Variants in CNTNAP5 observed in about 807,000 individuals in gnomAD.
CNTNAP5 encodes contactin-associated protein-like 5.
CNTNAP5 carries 72 observed loss-of-function variants against 150.2 expected under a neutral mutation model. The observed-to-expected ratio is 0.48, with a 90% CI of 0.40 to 0.58. CNTNAP5 has a LOEUF of 0.58. CNTNAP5 is among the 20% of genes least tolerant of loss of function. The probability of loss-of-function intolerance (pLI) is 0.00; values close to 1 mark genes in which losing one functional copy is unlikely to be tolerated. For synonymous variants in CNTNAP5, 672 were observed against 619.8 expected (o/e 1.08, Z -1.25); for missense variants, 1,636 against 1,626.2 (o/e 1.01, Z -0.10).
rs754966117 is a variant in CNTNAP5 at position 124,798,280 on chromosome 2, T to G, written c.3177T>G (p.Ser1059=). 3.7e-6 allele frequency: 6 copies of G among 1,613,758 alleles called. No homozygotes were observed. The Admixed American group carries it at 6.7e-5, about 18-fold the overall frequency. ...QAPSLLLFIN[S]SSQDFVVVLL... ...CCAGTCTTTTGCTCTTTATCAATTC[T>G]TCTTCTCAGGACTTCGTGGTTGTTC... Residue 1059 remains serine, a synonymous_variant, in exon 19 of 24, where the codon TCT becomes TCG. Coordinates refer to ENST00000682447, the MANE Select transcript of CNTNAP5 (RefSeq NM_001367498.1).
chr2:124,565,643 A>G (rs1169091054), intron 11 of CNTNAP5, among the ~76,000 whole-genome samples: 2 of 115,888 alleles, frequency 1.7e-5, no homozygotes, highest in African/African-American at 6.8e-5. Flanking sequence ...TCTGTCACCC[A>G]GGCTGGAGTG....
chr2:124,181,800 A>G (rs1463730448), intron 1 of CNTNAP5, among the ~76,000 whole-genome samples: 1 of 152,214 alleles, frequency 6.6e-6, no homozygotes, highest in Non-Finnish European at 1.5e-5. Flanking sequence ...GATGTAGAAA[A>G]TGCTATATAT....
At chr2:124,660,043 A>AAAGGAAGGAAGG (rs60444454) in intron 13 of CNTNAP5, among the ~76,000 whole-genome samples, 12 of 130,838 alleles carry the variant, frequency 9.2e-5, no homozygotes, top group African/African-American at 3.0e-4. Flanking sequence ...AGGAAGGAAG[A>AAAGGAAGGAAGG]AAGGAAGGAA....
intron 3 of CNTNAP5, among the ~76,000 whole-genome samples, chr2:124,337,634 A>T (rs563769114): frequency 6.6e-6 from 1 of 152,206 alleles, no homozygotes; most frequent in South Asian, 2.1e-4. Flanking sequence ...ATAGGGAATC[A>T]TTTCCCCATT....
In CNTNAP5 at chr2:124,047,492, C is replaced by A. The variant is rs532950899; in HGVS notation, c.82+21760C>A. Among the ~76,000 whole-genome samples the A allele has an allele frequency of 6.6e-5, 10 of 152,338 alleles. No individual in the cohort carries two copies. In the South Asian group the frequency reaches 2.1e-3, roughly 32 times the overall value. ...TCCCATTCAACATCACTTCACATGA[C>A]CTGCATATTGTGTATAATCATATTG... is the stretch of plus-strand genomic sequence containing the variant. On this transcript the variant is annotated intron_variant, in intron 1 of 23. Coordinates refer to ENST00000682447, the MANE Select transcript of CNTNAP5 (RefSeq NM_001367498.1).
chr2:124,233,901 A>C (rs1246140415), intron 2 of CNTNAP5, among the ~76,000 whole-genome samples: 1 of 151,972 alleles, frequency 6.6e-6, no homozygotes, highest in African/African-American at 2.4e-5. Flanking sequence ...TGACCTTTTA[A>C]ACTCAAAAAC....
chr2:124,609,178 A>G (rs1240217937), intron 11 of CNTNAP5, among the ~76,000 whole-genome samples: 3 of 152,192 alleles, frequency 2.0e-5, no homozygotes, highest in Non-Finnish European at 2.9e-5. Flanking sequence ...ATACAGTGGG[A>G]GCAAGGAGGA....
intron 3 of CNTNAP5, among the ~76,000 whole-genome samples, chr2:124,322,891 A>G (rs934732813): frequency 3.3e-5 from 5 of 152,192 alleles, no homozygotes; most frequent in African/African-American, 7.2e-5. Flanking sequence ...TTCAATAAAC[A>G]TTAGCTGAGC....
At chr2:124,547,507 T>C (rs1424764137) in intron 10 of CNTNAP5, among the ~76,000 whole-genome samples, 1 of 152,166 alleles carries the variant, frequency 6.6e-6, no homozygotes, top group Non-Finnish European at 1.5e-5. Flanking sequence ...GGGACATGTG[T>C]ATTCCTGTGT....
At chr2:124,290,948 A>G (rs370059947) in intron 3 of CNTNAP5, among the ~76,000 whole-genome samples, 6 of 151,894 alleles carry the variant, frequency 4.0e-5, no homozygotes, top group Middle Eastern at 3.4e-3. Context: ...TGTTCCTCAT[A>G]GAGTTGTTGT....
chr2:124,037,226 T>C (rs1180978366), intron 1 of CNTNAP5, among the ~76,000 whole-genome samples: 3 of 152,330 alleles, frequency 2.0e-5, no homozygotes, highest in Non-Finnish European at 4.4e-5. Context: ...CTGATGGCCT[T>C]GTGGATTCCA....
chr2:124,695,462 G>A (rs1013202705), intron 13 of CNTNAP5, among the ~76,000 whole-genome samples: 1 of 152,152 alleles, frequency 6.6e-6, no homozygotes, highest in Non-Finnish European at 1.5e-5. Context: ...CAGCTCCCCT[G>A]AACTAGTATA....
In CNTNAP5 at chr2:124,502,035, C is replaced by T. The variant is rs148489914; in HGVS notation, c.1063-2257C>T. The stretch of plus-strand genomic sequence containing the variant: ...GAGAGAGAAGCTGGCCTAAGGTGAG[C>T]GAGGGAGCTGTCCAAGGACCGAAAG... On this transcript the variant is annotated intron_variant, in intron 7 of 23. Coordinates refer to ENST00000682447, the MANE Select transcript of CNTNAP5 (RefSeq NM_001367498.1). Among the ~76,000 whole-genome samples the T allele has an allele frequency of 3.0e-3, 454 of 152,148 alleles. 2 individuals are homozygous for T. Among genetic ancestry groups the T allele is most frequent in the Middle Eastern group, 0.02 (6 of 294 alleles).
At chr2:124,041,872 T>C (rs1237267187) in intron 1 of CNTNAP5, among the ~76,000 whole-genome samples, 2 of 152,012 alleles carry the variant, frequency 1.3e-5, no homozygotes, top group Non-Finnish European at 2.9e-5. Context: ...TATATATATA[T>C]ATAATTTGAG....
chr2:124,603,679 T>C (rs1308276852), intron 11 of CNTNAP5, among the ~76,000 whole-genome samples: 6 of 152,226 alleles, frequency 3.9e-5, no homozygotes, highest in Admixed American at 2.6e-4. Context: ...CTTTCTAATA[T>C]TCAGGACATG....
intron 18 of CNTNAP5, among the ~76,000 whole-genome samples, chr2:124,795,701 A>T (rs1681829807): frequency 6.6e-6 from 1 of 152,100 alleles, no homozygotes; most frequent in African/African-American, 2.4e-5. Flanking sequence ...TATTTTTAGT[A>T]GAAATGGGGT....
At chr2:124,359,246 A>C (rs1177440303) in intron 3 of CNTNAP5, among the ~76,000 whole-genome samples, 1 of 151,232 alleles carries the variant, frequency 6.6e-6, no homozygotes, top group East Asian at 2.0e-4. Flanking sequence ...TGATCCTTTC[A>C]AAAAACCAGC....
chr2:124,059,066 T>C (rs959813201), intron 1 of CNTNAP5, among the ~76,000 whole-genome samples: 1 of 152,224 alleles, frequency 6.6e-6, no homozygotes, highest in African/African-American at 2.4e-5. Context: ...AGCAATGTTA[T>C]TGGAATTTCT....
chr2:124,323,654 T>G (rs561180221), intron 3 of CNTNAP5, among the ~76,000 whole-genome samples: 6 of 152,160 alleles, frequency 3.9e-5, no homozygotes, highest in Admixed American at 6.5e-5. Flanking sequence ...AGGACAGGTG[T>G]GTCTTCCATT....
Sources: allele counts gnomAD v4.1 joint callset (sites outside exome capture counted in the v4.1 genomes callset), GRCh38; gene constraint gnomAD v4.1.1; transcripts MANE v1.5; gene names NCBI Gene and HGNC (gene_info 2026-07-23, HGNC 2026-07-21).